Variants in MPPED2 observed in about 807,000 individuals in gnomAD.
The protein encoded by MPPED2 is metallophosphoesterase MPPED2.
Under a neutral mutation model 33.0 loss-of-function variants are expected in MPPED2, and 5 were observed. The observed-to-expected ratio is 0.15, with a 90% CI of 0.08 to 0.32. The LOEUF is 0.32. Ranked by LOEUF, MPPED2 falls within the 10% of genes least tolerant of loss-of-function variation. The pLI, the probability that MPPED2 is intolerant of heterozygous loss-of-function variation, is 1.00. For synonymous variants in MPPED2, 136 were observed against 141.9 expected (o/e 0.96, Z 0.29); for missense variants, 275 against 372.1 (o/e 0.74, Z 2.15).
chr11:30,388,909 G>C, exon 7 of MPPED2: 1 of 1,566,934 alleles, frequency 6.4e-7, no homozygotes, highest in Non-Finnish European at 8.7e-7. Flanking sequence ...TTTGAAGGCA[G>C]AGAACATATT....
In MPPED2 at chr11:30,410,731, G is replaced by T; in HGVS notation, c.*737C>A. On this transcript the variant is annotated 3_prime_UTR_variant, in exon 7 of 7. Coordinates refer to ENST00000358117, the MANE Select transcript of MPPED2 (RefSeq NM_001584.3). ...ATACTTATATATATAAACCCATATTGAAAAGGAGTCTGCATGTTCATTTTT... is the reference window on the plus strand; with the variant it reads ...ATACTTATATATATAAACCCATATTTAAAAGGAGTCTGCATGTTCATTTTT... 1 of 983,920 alleles carries T rather than the reference G, an allele frequency of 1.0e-6. No individual in the cohort carries two copies. The highest frequency in any genetic ancestry group is 1.7e-5 in the African/African-American group (1 of 57,298). 60.9% of individuals were successfully genotyped at this position (983,920 alleles called of 1,614,324 possible).
At chr11:30,481,441 C>G (rs1217653420) in intron 4 of MPPED2, among the ~76,000 whole-genome samples, 1 of 152,144 alleles carries the variant, frequency 6.6e-6, no homozygotes, top group Non-Finnish European at 1.5e-5. Flanking sequence ...AACCGAGCAG[C>G]CTGAACCACA....
chr11:30,555,436 T>C (rs1026563311), intron 2 of MPPED2, among the ~76,000 whole-genome samples: 2 of 152,202 alleles, frequency 1.3e-5, no homozygotes, highest in African/African-American at 4.8e-5. Flanking sequence ...GGTTCTTAGA[T>C]GAGTGACATG....
chr11:30,418,929 C>T (rs564562622), intron 4 of MPPED2, among the ~76,000 whole-genome samples: 2 of 152,294 alleles, frequency 1.3e-5, no homozygotes, highest in African/African-American at 2.4e-5. Context: ...CTGTGGCATA[C>T]GTGCAAACCT....
At chr11:30,408,707 C>T (rs1948028528), downstream of MPPED2, among the ~76,000 whole-genome samples, 2 of 152,182 alleles carry the variant, frequency 1.3e-5, no homozygotes, top group South Asian at 4.1e-4. Flanking sequence ...TTGAACCTTC[C>T]ATTTTTCCTA....
At chr11:30,472,922 T>G (rs1951011463) in intron 4 of MPPED2, among the ~76,000 whole-genome samples, 1 of 152,350 alleles carries the variant, frequency 6.6e-6, no homozygotes, top group Admixed American at 6.5e-5. Context: ...ATAAAAAATG[T>G]TGTAGAATAG....
intron 4 of MPPED2, among the ~76,000 whole-genome samples, chr11:30,480,228 A>G (rs2134115748): frequency 1.3e-5 from 2 of 152,260 alleles, no homozygotes; most frequent in South Asian, 4.1e-4. Flanking sequence ...AGCCCCAACC[A>G]GTGAAACAGC....
chr11:30,559,128 T>C (rs1259265294), intron 2 of MPPED2, among the ~76,000 whole-genome samples: 1 of 152,180 alleles, frequency 6.6e-6, no homozygotes, highest in Non-Finnish European at 1.5e-5. Context: ...CAGGAAATCT[T>C]AAATGACTAC....
chr11:30,485,739 G>C (rs886851289), intron 4 of MPPED2, among the ~76,000 whole-genome samples: 54 of 152,278 alleles, frequency 3.5e-4, no homozygotes, highest in African/African-American at 1.3e-3. Context: ...TTTCAACAAA[G>C]CCTTCGCCAT....
At chr11:30,560,036 AC>A (rs1386139451) in intron 2 of MPPED2, among the ~76,000 whole-genome samples, 1 of 152,220 alleles carries the variant, frequency 6.6e-6, no homozygotes, top group Non-Finnish European at 1.5e-5. Context: ...AAGAACTCAT[AC>A]CTTTGCTTTG....
At chr11:30,519,023 T>G (rs1953697569) in intron 3 of MPPED2, among the ~76,000 whole-genome samples, 3 of 151,976 alleles carry the variant, frequency 2.0e-5, no homozygotes, top group African/African-American at 7.3e-5. Flanking sequence ...GCTCACACCT[T>G]TAATTCTAGC....
intron 2 of MPPED2, among the ~76,000 whole-genome samples, chr11:30,551,645 T>C (rs540231876): frequency 2.4e-3 from 367 of 152,360 alleles, no homozygotes; most frequent in Non-Finnish European, 3.7e-3. Flanking sequence ...CTATCTCTTA[T>C]TTCGTTTAAA....
chr11:30,557,339 G>T (rs1956020228), intron 2 of MPPED2, among the ~76,000 whole-genome samples: 1 of 151,210 alleles, frequency 6.6e-6, no homozygotes, highest in Non-Finnish European at 1.5e-5. Context: ...CGCTTTGTTG[G>T]AGAAAATGTA....
intron 4 of MPPED2, among the ~76,000 whole-genome samples, chr11:30,468,252 ACACACTCT>A (rs1950800412): frequency 9.3e-6 from 1 of 107,738 alleles, no homozygotes; most frequent in African/African-American, 3.2e-5. Context: ...ACACACACAC[ACACACTCT>A]CTCTCTCTCT....
At chr11:30,398,342 C>T (rs899482274) in intron 6 of MPPED2, among the ~76,000 whole-genome samples, 2 of 152,160 alleles carry the variant, frequency 1.3e-5, no homozygotes, top group African/African-American at 4.8e-5. Flanking sequence ...CCAAACTCTA[C>T]CTACCCCACT....
intron 6 of MPPED2, among the ~76,000 whole-genome samples, chr11:30,404,994 A>G (rs1170615390): frequency 6.6e-6 from 1 of 152,210 alleles, no homozygotes; most frequent in Non-Finnish European, 1.5e-5. Context: ...ACACGCAACA[A>G]TCAGAACGTG....
intron 3 of MPPED2, among the ~76,000 whole-genome samples, chr11:30,505,316 C>G (rs1371889145): frequency 6.6e-6 from 1 of 152,102 alleles, no homozygotes; most frequent in African/African-American, 2.4e-5. Flanking sequence ...CATACTCATT[C>G]ACGCTTATAT....
At chr11:30,566,148 A>G (rs961244564) in intron 2 of MPPED2, among the ~76,000 whole-genome samples, 2 of 152,194 alleles carry the variant, frequency 1.3e-5, no homozygotes, top group African/African-American at 4.8e-5. Context: ...AACTCCACAT[A>G]TTAGGAGCAG....
At chr11:30,459,977 G>A (rs913472424) in intron 4 of MPPED2, among the ~76,000 whole-genome samples, 7 of 152,192 alleles carry the variant, frequency 4.6e-5, no homozygotes, top group Non-Finnish European at 1.0e-4. Flanking sequence ...CCTGGCGTCT[G>A]CTTCACTTTG....
Sources: allele counts gnomAD v4.1 joint callset (sites outside exome capture counted in the v4.1 genomes callset), GRCh38; gene constraint gnomAD v4.1.1; transcripts MANE v1.5; gene names NCBI Gene and HGNC (gene_info 2026-07-23, HGNC 2026-07-21).